The following SLC1A7 variants were observed in gnomAD, a reference collection of about 807,000 sequenced individuals.
SLC1A7 encodes excitatory amino acid transporter 5.
A neutral mutation model predicts 47.7 loss-of-function variants in SLC1A7; 40 were observed. The ratio of observed to expected loss-of-function variants is 0.84; its 90% CI spans 0.65 to 1.09. The LOEUF (loss-of-function observed/expected upper bound fraction) is 1.09, where lower values mean the gene tolerates loss of function less well. Ranked by LOEUF, SLC1A7 falls within the 50% of genes least tolerant of loss-of-function variation. The probability of loss-of-function intolerance (pLI) is 0.00; values close to 1 mark genes in which losing one functional copy is unlikely to be tolerated. For synonymous variants in SLC1A7, 323 were observed against 325.6 expected (o/e 0.99, Z 0.09); for missense variants, 746 against 769.5 (o/e 0.97, Z 0.36).
Position 53,098,164 on chromosome 1 carries a change from C to T in SLC1A7, c.698-4604G>A, listed in dbSNP as rs375031744. 7.3e-5 allele frequency among the ~76,000 whole-genome samples: 11 copies of T among 150,656 alleles called. No homozygotes were observed. In the East Asian group the frequency reaches 1.2e-3, roughly 16 times the overall value. On this transcript the variant is annotated intron_variant, in intron 5 of 10. Transcript: ENST00000371494. ...CACGTCTTGGTAAACTCACACACCC[C>T]GCCTCTGTACACTCACATGCACTGC...
chr1:53,089,539 T>G (rs909754847), intron 9 of SLC1A7, among the ~76,000 whole-genome samples: 3 of 152,202 alleles, frequency 2.0e-5, no homozygotes, highest in Admixed American at 6.5e-5. Flanking sequence ...CCTCTCAAAG[T>G]TCTGGGACAT....
chr1:53,090,728 C>CA lies in SLC1A7; in HGVS notation c.1109dup (p.Pro371AlafsTer73). 6.2e-7 allele frequency: 1 copy of CA among 1,614,028 alleles called. No individual in the cohort carries two copies. Among genetic ancestry groups the CA allele is most frequent in the African/African-American group, 1.3e-5 (1 of 75,072 alleles). Reference sequence around the variant, plus strand: ...CCATGTTGATGGTGGCACCCACGGGCAGCACGAAGCGAGCGATGCGCCGGT... The same window carrying CA: ...CCATGTTGATGGTGGCACCCACGGGCAAGCACGAAGCGAGCGATGCGCCGGT... On this transcript the variant is annotated frameshift_variant, in exon 8 of 11. Transcript: ENST00000371494. LOFTEE classifies it high-confidence loss of function.
chr1:53,128,665 G>C lies in SLC1A7; in HGVS notation c.215+5685C>G, dbSNP rs534540827. Among the ~76,000 whole-genome samples the C allele has an allele frequency of 7.0e-5, 10 of 142,370 alleles. 2 individuals are homozygous for C. The East Asian group carries it at 2.1e-3, about 30-fold the overall frequency. The allele number at this position is 142,370 out of a possible 152,430, so 93.4% of individuals were successfully genotyped here. A position where few individuals can be genotyped will look rare whatever the true frequency, so the allele number is the denominator to read the frequency against. ...TCAGGTGAAGCAGGGCATGCTGCAT[G>C]GTCTGTACCAGTGTTGAGGGAGCAC... On this transcript the variant is annotated intron_variant, in intron 2 of 10. Transcript: ENST00000371494.
At chr1:53,117,899 C>T (rs940565929) in intron 2 of SLC1A7, among the ~76,000 whole-genome samples, 1 of 152,234 alleles carries the variant, frequency 6.6e-6, no homozygotes, top group African/African-American at 2.4e-5. Context: ...CACCCATGGA[C>T]GAAATGGAGA....
chr1:53,090,706 T>C lies in SLC1A7; in HGVS notation c.1132A>G (p.Met378Val), dbSNP rs771459040. 1.9e-6 allele frequency: 3 copies of C among 1,614,128 alleles called. No individual in the cohort carries two copies. The Admixed American group carries it at 5.0e-5, about 27-fold the overall frequency. Residue 378 changes from methionine (M) to valine (V), a missense_variant, in exon 8 of 11, where the codon ATG (methionine) becomes GTG (valine). Coordinates refer to ENST00000371494, the MANE Select transcript of SLC1A7 (RefSeq NM_006671.6). ...GCCTCGTAGAGCGCAGTGCCGTCCATGTTGATGGTGGCACCCACGGGCAGC... is the reference window on the plus strand; with the variant it reads ...GCCTCGTAGAGCGCAGTGCCGTCCACGTTGATGGTGGCACCCACGGGCAGC... ...FVLPVGATIN[M>V]DGTALYEAVA... is the part of the protein sequence containing the mutation.
intron 4 of SLC1A7, among the ~76,000 whole-genome samples, chr1:53,103,792 C>T (rs1368153968): frequency 1.3e-5 from 2 of 152,048 alleles, no homozygotes; most frequent in Admixed American, 1.3e-4. Flanking sequence ...CACGCTGCCT[C>T]CTGCCTTCAT....
chr1:53,119,363 C>A (rs1644796042), intron 2 of SLC1A7, among the ~76,000 whole-genome samples: 1 of 152,042 alleles, frequency 6.6e-6, no homozygotes, highest in Non-Finnish European at 1.5e-5. Flanking sequence ...TTTATTAATT[C>A]TTTGAAACAG....
chr1:53,121,969 G>A (rs1644831037), intron 2 of SLC1A7, among the ~76,000 whole-genome samples: 1 of 151,982 alleles, frequency 6.6e-6, no homozygotes, highest in South Asian at 2.1e-4. Context: ...GGGCAGCTGG[G>A]TAGGCAGCAG....
chr1:53,090,086 GGT>G lies in SLC1A7; in HGVS notation c.1227-154_1227-153del, dbSNP rs759996169. 5.3e-6 allele frequency: 4 copies of G among 749,636 alleles called. No homozygotes were observed. In the African/African-American group the frequency reaches 6.9e-5, roughly 13 times the overall value. The allele number at this position is 749,636 out of a possible 1,614,324, so 46.4% of individuals were successfully genotyped here. A position where few individuals can be genotyped will look rare whatever the true frequency, so the allele number is the denominator to read the frequency against. ...GAATGCCACACCAGGGAGCTCTCGG[GGT>G]CAAGTCCCTCCTCACAGTCCTGAAG... On this transcript the variant is annotated intron_variant, in intron 8 of 10. Coordinates refer to ENST00000371494, the MANE Select transcript of SLC1A7 (RefSeq NM_006671.6).
intron 2 of SLC1A7, among the ~76,000 whole-genome samples, chr1:53,124,751 C>G (rs3766792): frequency 6.6e-6 from 1 of 152,066 alleles, no homozygotes; most frequent in Non-Finnish European, 1.5e-5. Flanking sequence ...AGGGTGAACT[C>G]GAGGTGAGAC....
At chr1:53,098,914 T>G (rs1288418) in intron 5 of SLC1A7, among the ~76,000 whole-genome samples, 2 of 149,762 alleles carry the variant, frequency 1.3e-5, no homozygotes, top group Non-Finnish European at 3.0e-5. Flanking sequence ...AGTACACTCA[T>G]TCCACCTCAT....
chr1:53,114,989 G>T lies in SLC1A7; in HGVS notation c.216-16C>A. 6.2e-7 allele frequency: 1 copy of T among 1,606,382 alleles called. No individual in the cohort carries two copies. The highest frequency in any genetic ancestry group is 8.5e-7 in the Non-Finnish European group (1 of 1,174,722). On this transcript the variant is annotated splice_polypyrimidine_tract_variant and intron_variant, in intron 2 of 10. Transcript: ENST00000371494. ...GGACATCAAGCTGGGAGGGCGAGGGGGTCAGGGGCTGTGGTGGGGAGGCCA... is the reference window on the plus strand; with the variant it reads ...GGACATCAAGCTGGGAGGGCGAGGGTGTCAGGGGCTGTGGTGGGGAGGCCA...
At chr1:53,133,401 C>T (rs145346903) in intron 2 of SLC1A7, among the ~76,000 whole-genome samples, 157 of 152,280 alleles carry the variant, frequency 1.0e-3, no homozygotes, top group Non-Finnish European at 1.7e-3. Context: ...GCAGAAAATA[C>T]AAAGCGCCCT....
chr1:53,128,689 A>G lies in SLC1A7; in HGVS notation c.215+5661T>C, dbSNP rs1644909035. Among the ~76,000 whole-genome samples, 2 of 141,738 alleles carry G rather than the reference A, an allele frequency of 1.4e-5. 1 individual carries two copies. The highest frequency in any genetic ancestry group is 3.1e-5 in the Non-Finnish European group (2 of 64,154). The allele number at this position is 141,738 out of a possible 152,430, so 93.0% of individuals were successfully genotyped here. On this transcript the variant is annotated intron_variant, in intron 2 of 10. Transcript: ENST00000371494. ...TGGTCTGTACCAGTGTTGAGGGAGCACCCGGGTGTGCCTCAGTCAAGGGTG... is the reference window on the plus strand; with the variant it reads ...TGGTCTGTACCAGTGTTGAGGGAGCGCCCGGGTGTGCCTCAGTCAAGGGTG...
intron 6 of SLC1A7, 103 bp from the exon 7 acceptor site, chr1:53,092,890 T>A (rs1402702073): frequency 1.4e-6 from 1 of 710,000 alleles, no homozygotes. Context: ...TTCCTGGGGC[T>A]CCTGCGAGGA....
At chr1:53,127,003 C>T (rs1226344172) in intron 2 of SLC1A7, among the ~76,000 whole-genome samples, 2 of 149,164 alleles carry the variant, frequency 1.3e-5, no homozygotes, top group Non-Finnish European at 3.0e-5. Context: ...GCCAGGACTA[C>T]AGGTGCCCAC....
chr1:53,098,532 G>T (rs561218080), intron 5 of SLC1A7, among the ~76,000 whole-genome samples: 5 of 141,502 alleles, frequency 3.5e-5, no homozygotes, highest in African/African-American at 1.3e-4. Context: ...CATATGCCCT[G>T]CCTCAGTACA....
At chr1:53,089,667 C>T (rs1013167171) in intron 9 of SLC1A7, 133 bp downstream of exon 9, 17 of 911,126 alleles carry the variant, frequency 1.9e-5, no homozygotes, top group Non-Finnish European at 2.7e-5. Flanking sequence ...GAGTAGGGCA[C>T]TCCCACAGTG....
At chr1:53,094,240 T>C (rs996764704) in intron 5 of SLC1A7, among the ~76,000 whole-genome samples, 5 of 152,164 alleles carry the variant, frequency 3.3e-5, no homozygotes, top group Non-Finnish European at 7.4e-5. Flanking sequence ...CAGTGGTCAA[T>C]GGTGAGTGAG....
Sources: allele counts gnomAD v4.1 joint callset (sites outside exome capture counted in the v4.1 genomes callset), GRCh38; gene constraint gnomAD v4.1.1; transcripts MANE v1.5; gene names NCBI Gene and HGNC (gene_info 2026-07-23, HGNC 2026-07-21).